PSME4: variants seen among roughly 807,000 people sequenced by gnomAD.
The protein encoded by PSME4 is proteasome activator complex subunit 4.
PSME4 carries 89 observed loss-of-function variants against 253.9 expected under a neutral mutation model. The ratio of observed to expected loss-of-function variants is 0.35; its 90% confidence interval spans 0.30 to 0.42. The LOEUF (loss-of-function observed/expected upper bound fraction) is 0.42, where lower values mean the gene tolerates loss of function less well. Ranked by LOEUF, PSME4 falls within the 10% of genes least tolerant of loss-of-function variation. The pLI, the probability that PSME4 is intolerant of heterozygous loss-of-function variation, is 1.00. For missense variants in PSME4, 2,014 were observed against 2,195.2 expected (o/e 0.92, Z 1.65); for synonymous variants, 851 against 759.2 (o/e 1.12, Z -1.99).
Position 53,885,717 on chromosome 2 carries a change from T to A in PSME4, c.4788A>T (p.Gln1596His). Reference sequence around the variant, plus strand: ...TGAAAAACAAAGGTAGAAGCTGAAGTTGTTCTGTAACTGCTGTAGAAAAGG... The same window carrying A: ...TGAAAAACAAAGGTAGAAGCTGAAGATGTTCTGTAACTGCTGTAGAAAAGG... ...GRSFSTAVTEQLQLLPLFFKI... is the reference protein window; with the variant it reads ...GRSFSTAVTEHLQLLPLFFKI... The change falls in exon 41 of 47, where the codon CAA becomes CAT. Residue 1596 changes from glutamine (Q) to histidine (H), a missense_variant. Physicochemically the swap from Gln to His is conservative, Grantham distance 24 (BLOSUM62 0). Coordinates refer to ENST00000404125, the MANE Select transcript of PSME4 (RefSeq NM_014614.3). 1 of 1,613,044 alleles carries A rather than the reference T, an allele frequency of 6.2e-7. No homozygotes were observed. Among genetic ancestry groups the A allele is most frequent in the Non-Finnish European group, 8.5e-7 (1 of 1,179,192 alleles).
At chr2:53,939,904 G>T in intron 4 of PSME4, 52 bp downstream of exon 4, 1 of 1,457,948 alleles carries the variant, frequency 6.9e-7, no homozygotes, top group Non-Finnish European at 9.5e-7. Context: ...CTAAAGATGT[G>T]GAAAAGCCCA....
At chr2:53,956,070 CCCAGGAGCTTGAGA>C (rs1670224773) in intron 1 of PSME4, among the ~76,000 whole-genome samples, 1 of 148,700 alleles carries the variant, frequency 6.7e-6, no homozygotes, top group Non-Finnish European at 1.5e-5. Flanking sequence ...ATCGCTTGAG[CCCAGGAGCTTGAGA>C]CCAGCCTGGG....
rs1670868936 is a variant in PSME4, at chr2:53,968,736, T to C, written c.242+1807A>G. ...TTCATGGGTATTAAGCCATCAGCTA[T>C]CTGCAATCCAGCCCTAAACACCAAA... On this transcript the variant is annotated intron_variant, in intron 1 of 46. Transcript: ENST00000404125. Among the ~76,000 whole-genome samples the C allele has an allele frequency of 2.0e-5, 3 of 152,268 alleles. No homozygotes were observed. In the South Asian group the frequency reaches 6.2e-4, roughly 32 times the overall value.
intron 1 of PSME4, among the ~76,000 whole-genome samples, chr2:53,969,231 C>T (rs891306462): frequency 5.3e-5 from 8 of 152,130 alleles, no homozygotes; most frequent in Non-Finnish European, 8.8e-5. Flanking sequence ...GATCCTAACA[C>T]GAAAAACTTC....
At chr2:53,891,506 G>C (rs978251667) in intron 36 of PSME4, among the ~76,000 whole-genome samples, 1 of 151,866 alleles carries the variant, frequency 6.6e-6, no homozygotes, top group Non-Finnish European at 1.5e-5. Flanking sequence ...CCATAAACAT[G>C]AACAGTTACT....
intron 13 of PSME4, 48 bp from the exon 14 acceptor site, chr2:53,925,737 G>T: frequency 6.4e-7 from 1 of 1,558,024 alleles, no homozygotes; most frequent in South Asian, 1.1e-5. Context: ...AATCTGGTTT[G>T]ACATTTTTGG....
In PSME4 at chr2:53,928,171, A is replaced by C. The variant is rs759480834; in HGVS notation, c.1449T>G (p.Pro483=). Residue 483 remains proline (P), a synonymous_variant, in exon 11 of 47, where the codon CCT becomes CCG. Transcript: ENST00000404125. ...WFPEGPTHML[P]LLMRALPGVD... is the part of the protein sequence containing the mutation. ...CCCCAGGCAATGCTCTCATCAACAGAGGTAGCATATGTGTAGGACCTTCAG... is the reference window on the plus strand; with the variant it reads ...CCCCAGGCAATGCTCTCATCAACAGCGGTAGCATATGTGTAGGACCTTCAG... The C allele has an allele frequency of 5.6e-6, 9 of 1,613,992 alleles. No homozygotes were observed. The highest frequency in any genetic ancestry group is 5.0e-5 in the Admixed American group (3 of 59,996).
chr2:53,878,975 C>T (rs1049512649), intron 41 of PSME4, among the ~76,000 whole-genome samples: 2 of 152,190 alleles, frequency 1.3e-5, no homozygotes, highest in Non-Finnish European at 1.5e-5. Flanking sequence ...CTAATAAAAA[C>T]TTGCTGGTTT....
At position 53,939,969 on chromosome 2, in the gene PSME4, T is replaced by C. The variant is rs758998080; in HGVS notation, c.532A>G (p.Lys178Glu). The C allele has an allele frequency of 6.3e-7, 1 of 1,597,654 alleles. No homozygotes were observed. The highest frequency in any genetic ancestry group is 8.6e-7 in the Non-Finnish European group (1 of 1,167,682). ...GAAGCTACTTACGGTCGGCAGCTTT[T>C]CACGAGTGTTTTGAGAATATTTTCT... ...SVENILKTLV[K>E]SCRPYFPADA... Residue 178 changes from lysine to glutamate, a missense_variant, in exon 4 of 47, where the codon AAA becomes GAA. This residue lies in a region of PSME4 where 615 missense variants were observed against 594.4 expected (regional missense o/e 1.03). Coordinates refer to ENST00000404125, the MANE Select transcript of PSME4 (RefSeq NM_014614.3).
In PSME4 at chr2:53,937,393, A is replaced by G; in HGVS notation, c.693T>C (p.Phe231=). 6.3e-7 allele frequency: 1 copy of G among 1,589,856 alleles called. No individual in the cohort carries two copies. The part of the protein sequence containing the change: ...SLPPELHHKG[F]KLWFDELIGL... ...TGTCAAGATATGAACATACTTACTT[A>G]AAACCTTTATGATGAAGTTCTGGAG... The change falls in exon 5 of 47, where the codon TTT becomes TTC. Residue 231 remains phenylalanine (F), a splice_region_variant and synonymous_variant. Transcript: ENST00000404125.
intron 21 of PSME4, 87 bp from the exon 22 acceptor site, chr2:53,908,927 G>C: frequency 3.0e-6 from 3 of 1,004,536 alleles, no homozygotes; most frequent in South Asian, 3.0e-5. Flanking sequence ...AGGTCAAGGA[G>C]GGATAAAGTA....
chr2:53,889,642 C>A (rs1442877435), intron 37 of PSME4, among the ~76,000 whole-genome samples: 2 of 152,180 alleles, frequency 1.3e-5, no homozygotes, highest in Non-Finnish European at 2.9e-5. Context: ...AGTGAGAAAG[C>A]TGTTGTTAGC....
intron 44 of PSME4, among the ~76,000 whole-genome samples, chr2:53,867,696 T>C (rs541011386): frequency 6.1e-4 from 91 of 149,850 alleles, no homozygotes; most frequent in African/African-American, 2.1e-3. Flanking sequence ...AAAAAGGATT[T>C]TTAAAGACTT....
chr2:53,899,560 G>A (rs1480893473), intron 29 of PSME4, among the ~76,000 whole-genome samples: 1 of 151,890 alleles, frequency 6.6e-6, no homozygotes, highest in Admixed American at 6.6e-5. Flanking sequence ...GCTCATGCCT[G>A]TAATCCCAGC....
Position 53,936,060 on chromosome 2 carries a change from A to G in PSME4, c.834+27T>C, listed in dbSNP as rs376403727. 7.5e-6 allele frequency: 12 copies of G among 1,606,324 alleles called. No individual in the cohort carries two copies. The African/African-American group carries it at 8.1e-5, about 11-fold the overall frequency. On this transcript the variant is annotated intron_variant, in intron 7 of 46. Coordinates refer to ENST00000404125, the MANE Select transcript of PSME4 (RefSeq NM_014614.3). ...AGGCGCCTACCACCCCATGCCTGAT[A>G]ATTTTTTTCCCCAAAATGTTAATTA...
In PSME4 at chr2:53,970,719, G is replaced by A. The variant is rs1298547305; in HGVS notation, c.66C>T (p.Gly22=). Residue 22 remains glycine, a synonymous_variant, in exon 1 of 47, where the codon GGC becomes GGT. Transcript: ENST00000404125. ...PPEPGGRPEP[G]PRGFVPQKEI... is the part of the protein sequence containing the mutation. ...CCTTCTGCGGGACGAAGCCCCGCGG[G>A]CCCGGCTCGGGACGCCCGCCCGGCT... 3.2e-6 allele frequency: 5 copies of A among 1,548,136 alleles called. No homozygotes were observed. The highest frequency in any genetic ancestry group is 1.2e-5 in the South Asian group (1 of 83,942).
At chr2:53,966,081 T>A (rs1418964336) in intron 1 of PSME4, among the ~76,000 whole-genome samples, 5 of 151,064 alleles carry the variant, frequency 3.3e-5, no homozygotes, top group African/African-American at 9.7e-5. Context: ...GGGCCAGGAG[T>A]TTGAGACAGC....
intron 1 of PSME4, among the ~76,000 whole-genome samples, chr2:53,961,140 C>A (rs980182983): frequency 6.6e-6 from 1 of 151,958 alleles, no homozygotes; most frequent in African/African-American, 2.4e-5. Flanking sequence ...TAAGTGTAAA[C>A]CAAATACAGA....
chr2:53,876,716 C>CTTTTTTTTTTTTT lies in PSME4; in HGVS notation c.4816-974_4816-962dup, dbSNP rs10599430. Reference sequence around the variant, plus strand: ...TCTGATGGCTGTAGCCACTGTCATTCTTTTTTTTTTTTTTTTTTTTGAGAC... The same window carrying CTTTTTTTTTTTTT: ...TCTGATGGCTGTAGCCACTGTCATTCTTTTTTTTTTTTTTTTTTTTTTTTTTTTTTTTTGAGAC... On this transcript the variant is annotated intron_variant, in intron 41 of 46. Transcript: ENST00000404125. Among the ~76,000 whole-genome samples the CTTTTTTTTTTTTT allele has an allele frequency of 3.7e-4, 36 of 97,836 alleles. 3 individuals carry two copies. The highest frequency in any genetic ancestry group is 6.4e-3 in the Middle Eastern group (1 of 156). The allele number at this position is 97,836 out of a possible 152,430, so 64.2% of individuals were successfully genotyped here. A position where few individuals can be genotyped will look rare whatever the true frequency, so the allele number is the denominator to read the frequency against.
Sources: allele counts gnomAD v4.1 joint callset (sites outside exome capture counted in the v4.1 genomes callset), GRCh38; gene constraint gnomAD v4.1.1; regional missense constraint gnomAD v4.1.1; transcripts MANE v1.5; gene names NCBI Gene and HGNC (gene_info 2026-07-23, HGNC 2026-07-21).